CEP350: variants seen among roughly 807,000 people sequenced by gnomAD.
CEP350 encodes the protein centrosome-associated protein 350.
CEP350 carries 126 observed loss-of-function variants against 331.8 expected under a neutral mutation model. That is an observed-to-expected ratio of 0.38 (90% confidence interval 0.33 to 0.44). The LOEUF (loss-of-function observed/expected upper bound fraction) is 0.44, where lower values mean the gene tolerates loss of function less well. Ranked by LOEUF, CEP350 falls within the 20% of genes least tolerant of loss-of-function variation. CEP350 has a pLI of 1.00. For synonymous variants in CEP350, 1,200 were observed against 1,259.5 expected, an observed-to-expected ratio of 0.95 and a Z score of 1.00; for missense variants, 3,406 against 3,634.6, an observed-to-expected ratio of 0.94 and a Z score of 1.62.
intron 12 of CEP350, among the ~76,000 whole-genome samples, chr1:180,022,336 GATGAA>G (rs1655380852): frequency 6.6e-6 from 1 of 152,062 alleles, no homozygotes; most frequent in Non-Finnish European, 1.5e-5. Flanking sequence ...AATATTTAGA[GATGAA>G]ATGAGAATGA....
chr1:180,009,096 G>A (rs1280498551), intron 8 of CEP350, among the ~76,000 whole-genome samples: 1 of 152,098 alleles, frequency 6.6e-6, no homozygotes, highest in Non-Finnish European at 1.5e-5. Context: ...TGTAATCTCC[G>A]CCTCCTGGAT....
Position 180,092,973 on chromosome 1 carries a change from G to A in CEP350, c.6868G>A (p.Glu2290Lys). ...KSDVLLKLVL[E>K]QGDSSEILSK... Reference sequence around the variant, plus strand: ...TGATGTCTTACTGAAATTAGTCCTAGAACAGGGAGATTCATCTGAAATTCT... The same window carrying A: ...TGATGTCTTACTGAAATTAGTCCTAAAACAGGGAGATTCATCTGAAATTCT... The change falls in exon 34 of 38, where the codon GAA becomes AAA. Residue 2290 changes from glutamate to lysine, a missense_variant. By Grantham distance (56) the Glu-to-Lys change is moderately conservative. Coordinates refer to ENST00000367607, the MANE Select transcript of CEP350 (RefSeq NM_014810.5). 6.3e-7 allele frequency: 1 copy of A among 1,599,832 alleles called. No individual in the cohort carries two copies. The highest frequency in any genetic ancestry group is 8.5e-7 in the Non-Finnish European group (1 of 1,171,914).
intron 8 of CEP350, among the ~76,000 whole-genome samples, chr1:180,010,023 A>G (rs1002391660): frequency 2.6e-5 from 4 of 152,152 alleles, no homozygotes; most frequent in African/African-American, 9.6e-5. Context: ...AGACTTAAAT[A>G]AAGAACTAGT....
intron 1 of CEP350, 36 bp from the exon 2 acceptor site, chr1:179,986,133 A>G (rs1348986319): frequency 1.4e-6 from 2 of 1,455,450 alleles, no homozygotes; most frequent in East Asian, 2.5e-5. Flanking sequence ...GTAATATTAT[A>G]AGATTGATGT....
At chr1:180,052,911 T>C in intron 22 of CEP350, 59 bp from the exon 23 acceptor site, 1 of 640,462 alleles carries the variant, frequency 1.6e-6, no homozygotes, top group Non-Finnish European at 2.7e-6. Flanking sequence ...GGGCTATTAA[T>C]TGAATACCTA....
At chr1:179,966,733 C>T (rs1651043572) in intron 1 of CEP350, among the ~76,000 whole-genome samples, 1 of 152,136 alleles carries the variant, frequency 6.6e-6, no homozygotes, top group South Asian at 2.1e-4. Context: ...ACAGTTGGAT[C>T]CTGGACCCAG....
intron 32 of CEP350, among the ~76,000 whole-genome samples, chr1:180,089,760 T>G (rs1660062884): frequency 6.6e-6 from 1 of 152,176 alleles, no homozygotes; most frequent in Admixed American, 6.5e-5. Context: ...TAATTTTAAG[T>G]GCCTGTTGTT....
intron 7 of CEP350, among the ~76,000 whole-genome samples, chr1:180,004,224 AG>A (rs1392293974): frequency 6.6e-6 from 1 of 152,186 alleles, no homozygotes; most frequent in African/African-American, 2.4e-5. Context: ...TATACCTCAT[AG>A]GATAGTATCA....
At chr1:180,031,142 A>C (rs549861161) in intron 14 of CEP350, among the ~76,000 whole-genome samples, 178 bp from the exon 15 acceptor site, 3 of 152,102 alleles carry the variant, frequency 2.0e-5, no homozygotes, top group Non-Finnish European at 4.4e-5. Flanking sequence ...TTAAATAGAG[A>C]CAGAAGGATG....
Position 179,955,061 on chromosome 1 carries a change from C to A in CEP350, c.-95C>A. On this transcript the variant is annotated 5_prime_UTR_variant, in exon 1 of 38. Transcript: ENST00000367607. ...AGGCCAGGCCGGGCAGCCCTGGGGCCGGTCGGGGCGGCGTCACTGCACCCT... is the reference window on the plus strand; with the variant it reads ...AGGCCAGGCCGGGCAGCCCTGGGGCAGGTCGGGGCGGCGTCACTGCACCCT... 7.1e-7 allele frequency: 1 copy of A among 1,409,962 alleles called. No individual in the cohort carries two copies. The highest frequency in any genetic ancestry group is 9.2e-7 in the Non-Finnish European group (1 of 1,083,560). 87.3% of individuals were successfully genotyped at this position (1,409,962 alleles called of 1,614,324 possible). A position where few individuals can be genotyped will look rare whatever the true frequency, so the allele number is the denominator to read the frequency against.
Position 179,996,815 on chromosome 1 carries a change from A to G in CEP350, c.658A>G (p.Arg220Gly). Residue 220 changes from arginine (R) to glycine (G), a missense_variant, in exon 6 of 38, where the codon AGA becomes GGA. By Grantham distance (125) the Arg-to-Gly change is moderately radical. Around this residue, in one of 5 missense-constraint regions of CEP350, gnomAD observed 1,857 missense variants for 1,909.2 expected, o/e 0.97. Transcript: ENST00000367607. ...ECLIRMGASM[R>G]TEEEMPNRTK... ...TTTGATTAGGATGGGAGCTTCTATG[A>G]GAACTGAGGAAGAAATGCCTAACAG... is the stretch of plus-strand genomic sequence containing the variant. The G allele has an allele frequency of 1.2e-6, 2 of 1,613,712 alleles. No homozygotes were observed. Among genetic ancestry groups the G allele is most frequent in the African/African-American group, 1.3e-5 (1 of 75,056 alleles).
intron 27 of CEP350, among the ~76,000 whole-genome samples, chr1:180,073,450 G>A (rs998612166): frequency 6.6e-5 from 10 of 152,252 alleles, no homozygotes; most frequent in African/African-American, 2.4e-4. Flanking sequence ...CATAATTGTT[G>A]TACTGTCTGT....
intron 16 of CEP350, among the ~76,000 whole-genome samples, chr1:180,034,891 C>T (rs1656250853): frequency 6.6e-6 from 1 of 152,152 alleles, no homozygotes; most frequent in South Asian, 2.1e-4. Flanking sequence ...AGTCACATCT[C>T]TCACTTTAAA....
At chr1:180,008,676 C>T (rs187168654) in intron 8 of CEP350, among the ~76,000 whole-genome samples, 3 of 152,244 alleles carry the variant, frequency 2.0e-5, no homozygotes, top group Non-Finnish European at 2.9e-5. Context: ...TAAACTTAGA[C>T]AATACATTGG....
intron 22 of CEP350, 135 bp from the exon 23 acceptor site, chr1:180,052,835 T>A: frequency 2.3e-6 from 1 of 427,568 alleles, no homozygotes; most frequent in Non-Finnish European, 4.2e-6. Flanking sequence ...TTGTTTATTA[T>A]TTCATGTCTA....
intron 36 of CEP350, 23 bp from the exon 37 acceptor site, chr1:180,098,840 G>C (rs990201550): frequency 1.2e-6 from 2 of 1,602,302 alleles, no homozygotes; most frequent in East Asian, 2.2e-5. Flanking sequence ...TTTGTGTTTC[G>C]TGTATTTGTC....
chr1:180,065,123 T>C lies in CEP350; in HGVS notation c.5418T>C (p.His1806=), dbSNP rs1658472448. The C allele has an allele frequency of 2.5e-6, 4 of 1,603,812 alleles. No individual in the cohort carries two copies. Among genetic ancestry groups the C allele is most frequent in the Non-Finnish European group, 3.4e-6 (4 of 1,176,980 alleles). ...KSAGESKLDS[H]SDDDTKDNKA... is the part of the protein sequence containing the mutation. ...CCTCTTTTTGTTTGCAGGACTCTCA[T>C]AGTGATGATGATACAAAGGATAATA... Residue 1806 remains histidine (H), a synonymous_variant, in exon 27 of 38, where the codon CAT becomes CAC. Coordinates refer to ENST00000367607, the MANE Select transcript of CEP350 (RefSeq NM_014810.5).
intron 5 of CEP350, among the ~76,000 whole-genome samples, chr1:179,993,381 CT>C (rs1206636667): frequency 6.6e-6 from 1 of 152,062 alleles, no homozygotes; most frequent in African/African-American, 2.4e-5. Flanking sequence ...GTTCAGTGTT[CT>C]TCCTGTAAAT....
intron 1 of CEP350, among the ~76,000 whole-genome samples, chr1:179,977,044 C>T (rs1311243115): frequency 2.0e-5 from 3 of 152,150 alleles, no homozygotes; most frequent in Admixed American, 2.0e-4. Context: ...AGCTTGGCTC[C>T]TTATAGCTCA....
Sources: allele counts gnomAD v4.1 joint callset (sites outside exome capture counted in the v4.1 genomes callset), GRCh38; gene constraint gnomAD v4.1.1; regional missense constraint gnomAD v4.1.1; transcripts MANE v1.5; gene names NCBI Gene and HGNC (gene_info 2026-07-23, HGNC 2026-07-21).